CREB5: variants seen among roughly 807,000 people sequenced by gnomAD.
CREB5 encodes cAMP responsive element binding protein 5.
Under a neutral mutation model 57.1 loss-of-function variants are expected in CREB5, and 19 were observed. That is an observed-to-expected ratio of 0.33 (90% CI 0.23 to 0.49). The LOEUF (loss-of-function observed/expected upper bound fraction) is 0.49. Ranked by LOEUF, CREB5 falls within the 20% of genes least tolerant of loss-of-function variation. The probability of loss-of-function intolerance (pLI) is 0.99; values close to 1 mark genes in which losing one functional copy is unlikely to be tolerated. For synonymous variants in CREB5, 238 were observed against 238.3 expected (o/e 1.00, Z 0.01); for missense variants, 579 against 671.6 (o/e 0.86, Z 1.52).
At chr7:28,401,130 TC>T (rs1787453042) in intron 1 of CREB5, among the ~76,000 whole-genome samples, 1 of 152,202 alleles carries the variant, frequency 6.6e-6, no homozygotes, top group African/African-American at 2.4e-5. Flanking sequence ...AAGTAGTTTT[TC>T]CTTTAATCGA....
At chr7:28,596,169 G>A (rs1172259193) in intron 5 of CREB5, among the ~76,000 whole-genome samples, 1 of 152,160 alleles carries the variant, frequency 6.6e-6, no homozygotes, top group Non-Finnish European at 1.5e-5. Flanking sequence ...AAGCAGCTCT[G>A]TAGAATGAGA....
Position 28,825,797 on chromosome 7 carries a change from A to C in CREB5, c.*6518A>C, listed in dbSNP as rs141104090. ...GACTGTTCAACTAGGTCAGATTTTT[A>C]CATCTCTTTCTAGCAAGAAGAGACA... On this transcript the variant is annotated 3_prime_UTR_variant, in exon 11 of 11. Transcript: ENST00000357727. 11 of 152,772 alleles carry C rather than the reference A, an allele frequency of 7.2e-5. No homozygotes were observed. The highest frequency in any genetic ancestry group is 2.4e-4 in the African/African-American group (10 of 41,596). The allele number at this position is 152,772 out of a possible 1,614,324, so 9.5% of individuals were successfully genotyped here.
chr7:28,810,229 A>G (rs1386639111), intron 9 of CREB5, among the ~76,000 whole-genome samples: 2 of 147,630 alleles, frequency 1.4e-5, no homozygotes, highest in South Asian at 2.1e-4. Flanking sequence ...TTATCAGCAG[A>G]AAAAAAAAAA....
intron 1 of CREB5, among the ~76,000 whole-genome samples, chr7:28,349,009 A>G (rs1273549632): frequency 6.6e-6 from 1 of 152,232 alleles, no homozygotes; most frequent in Non-Finnish European, 1.5e-5. Flanking sequence ...ACTGAATTCC[A>G]CAGACAAACG....
chr7:28,360,090 T>C (rs1786437893), intron 1 of CREB5, among the ~76,000 whole-genome samples: 1 of 152,164 alleles, frequency 6.6e-6, no homozygotes, highest in African/African-American at 2.4e-5. Flanking sequence ...TTGGTGAGAA[T>C]GTGGAGAGGG....
intron 1 of CREB5, among the ~76,000 whole-genome samples, chr7:28,449,498 C>A (rs539071270): frequency 2.0e-5 from 3 of 152,298 alleles, no homozygotes; most frequent in Admixed American, 6.5e-5. Flanking sequence ...CCTTTTCTTG[C>A]CCTCCTCTCT....
intron 5 of CREB5, among the ~76,000 whole-genome samples, chr7:28,625,586 C>G (rs1223087142): frequency 6.6e-6 from 1 of 152,214 alleles, no homozygotes; most frequent in Non-Finnish European, 1.5e-5. Context: ...GGTCACTGGT[C>G]ATGCATTTCT....
chr7:28,506,784 T>C (rs1389473519), intron 3 of CREB5, among the ~76,000 whole-genome samples: 1 of 152,228 alleles, frequency 6.6e-6, no homozygotes, highest in Non-Finnish European at 1.5e-5. Flanking sequence ...TACCTTCTAT[T>C]TAATGGAATC....
intron 4 of CREB5, among the ~76,000 whole-genome samples, chr7:28,558,810 G>A (rs1794971004): frequency 6.6e-6 from 1 of 152,146 alleles, no homozygotes; most frequent in Non-Finnish European, 1.5e-5. Context: ...GAGTCTCTTT[G>A]AAATGCTGAA....
intron 1 of CREB5, among the ~76,000 whole-genome samples, chr7:28,464,960 T>C (rs1790504419): frequency 2.0e-5 from 3 of 152,232 alleles, no homozygotes; most frequent in African/African-American, 2.4e-5. Flanking sequence ...AATTGGTATG[T>C]TATGGGACTG....
At chr7:28,565,258 G>A (rs1181548533) in intron 4 of CREB5, among the ~76,000 whole-genome samples, 1 of 152,222 alleles carries the variant, frequency 6.6e-6, no homozygotes, top group East Asian at 1.9e-4. Flanking sequence ...TCCTTTTGGT[G>A]ACGTAGCTGA....
rs767799448 is a variant in CREB5, at chr7:28,507,722, G to A, written c.276G>A (p.Glu92=). The part of the protein sequence containing the change: ...LEHEFRKAQE[E]ESSKRNISMH... ...ACGAGTTCAGGAAGGCTCAGGAAGA[G>A]GAGAGCAGCAAGCGGGTAGGTTTGC... Residue 92 remains glutamate, a synonymous_variant, in exon 4 of 11, where the codon GAG becomes GAA. Coordinates refer to ENST00000357727, the MANE Select transcript of CREB5 (RefSeq NM_182898.4). The A allele has an allele frequency of 1.9e-6, 3 of 1,606,174 alleles. No homozygotes were observed. The East Asian group carries it at 6.7e-5, about 36-fold the overall frequency.
chr7:28,422,450 G>T (rs930762589), intron 1 of CREB5, among the ~76,000 whole-genome samples: 2 of 152,158 alleles, frequency 1.3e-5, no homozygotes, highest in Non-Finnish European at 2.9e-5. Context: ...AGTTGCTCCT[G>T]GCTTTTTTTG....
At chr7:28,741,956 C>T (rs1562609808) in intron 7 of CREB5, among the ~76,000 whole-genome samples, 1 of 150,840 alleles carries the variant, frequency 6.6e-6, no homozygotes, top group Non-Finnish European at 1.5e-5. Context: ...GTCCCAGCTA[C>T]TTGGGAGGCG....
At chr7:28,542,131 C>T (rs966498651) in intron 4 of CREB5, among the ~76,000 whole-genome samples, 1 of 152,174 alleles carries the variant, frequency 6.6e-6, no homozygotes, top group Non-Finnish European at 1.5e-5. Flanking sequence ...TAAGCATTAA[C>T]TGATATTATT....
rs1809957378 is a variant in CREB5, at chr7:28,824,506, C to T, written c.*5227C>T. 6.6e-6 allele frequency: 1 copy of T among 152,576 alleles called. No homozygotes were observed. Among genetic ancestry groups the T allele is most frequent in the Non-Finnish European group, 1.5e-5 (1 of 68,016 alleles). 9.5% of individuals were successfully genotyped at this position (152,576 alleles called of 1,614,324 possible). A position where few individuals can be genotyped will look rare whatever the true frequency, so the allele number is the denominator to read the frequency against. ...TGCCTTGTAACATAATTAGGGACAG[C>T]ACCTCTATTTCACAATTATAATCTA... On this transcript the variant is annotated 3_prime_UTR_variant, in exon 11 of 11. Transcript: ENST00000357727.
chr7:28,707,296 T>C (rs12540480), intron 5 of CREB5, among the ~76,000 whole-genome samples: 24,356 of 152,248 alleles, frequency 0.16, 2,497 homozygotes, highest in Middle Eastern at 0.23. Context: ...GCATTGATCG[T>C]CTTCAAAGGG....
intron 3 of CREB5, among the ~76,000 whole-genome samples, chr7:28,501,312 A>G (rs532456911): frequency 2.0e-5 from 3 of 152,374 alleles, no homozygotes; most frequent in African/African-American, 7.2e-5. Context: ...CTTCTAACAC[A>G]TAAGCATTGA....
At chr7:28,676,834 A>C (rs555176788) in intron 5 of CREB5, among the ~76,000 whole-genome samples, 1 of 152,282 alleles carries the variant, frequency 6.6e-6, no homozygotes, top group Non-Finnish European at 1.5e-5. Context: ...GGAGACTAGG[A>C]ATATTGCAAA....
Sources: gnomAD v4.1 joint callset for allele counts (sites outside exome capture counted in the v4.1 genomes callset) on GRCh38, gnomAD v4.1.1 for gene constraint, MANE v1.5 for transcripts, NCBI Gene and HGNC (gene_info 2026-07-23, HGNC 2026-07-21) for gene names.